NDUFAF2: variants seen among roughly 807,000 people sequenced by gnomAD.
NDUFAF2 encodes the protein NADH dehydrogenase [ubiquinone] 1 alpha subcomplex assembly factor 2.
A neutral mutation model predicts 22.8 loss-of-function variants in NDUFAF2; 13 were observed. The observed-to-expected ratio is 0.57, with a 90% CI of 0.37 to 0.91. The LOEUF (loss-of-function observed/expected upper bound fraction) is 0.91. Among genes scored for constraint, NDUFAF2 ranks in the 40% least tolerant of loss-of-function variants. NDUFAF2 has a pLI of 0.01. For synonymous variants in NDUFAF2, 53 were observed against 64.2 expected, an observed-to-expected ratio of 0.83 and a Z score of 0.84; for missense variants, 162 against 195.2, an observed-to-expected ratio of 0.83 and a Z score of 1.01.
intron 2 of NDUFAF2, among the ~76,000 whole-genome samples, chr5:61,098,022 T>C (rs1377556962): frequency 6.6e-6 from 1 of 152,220 alleles, no homozygotes. Flanking sequence ...TATACAACAT[T>C]GCAGGCTAAG....
rs138544891 is a variant in NDUFAF2 at position 61,053,560 on chromosome 5, C to T, written c.128-19565C>T. Among the ~76,000 whole-genome samples the T allele has an allele frequency of 7.9e-5, 12 of 152,272 alleles. No homozygotes were observed. In the East Asian group the frequency reaches 2.1e-3, roughly 27 times the overall value. ...AGCACCAGCAAAAGTTCTAGGAAGA[C>T]TCTTCATTGGCCCAGCAGGGGTCAT... On this transcript the variant is annotated intron_variant, in intron 1 of 3. Coordinates refer to ENST00000296597, the MANE Select transcript of NDUFAF2 (RefSeq NM_174889.5).
At chr5:61,062,445 G>A (rs888284888) in intron 1 of NDUFAF2, among the ~76,000 whole-genome samples, 1 of 152,030 alleles carries the variant, frequency 6.6e-6, no homozygotes, top group African/African-American at 2.4e-5. Context: ...TCAACAGCAG[G>A]CTAGATCAAT....
At chr5:61,132,525 C>G (rs1753125062) in intron 3 of NDUFAF2, among the ~76,000 whole-genome samples, 1 of 152,174 alleles carries the variant, frequency 6.6e-6, no homozygotes, top group Admixed American at 6.6e-5. Context: ...AGCCTGTCTC[C>G]TGGGCTACCA....
chr5:61,104,905 A>T (rs1464306711), intron 3 of NDUFAF2, among the ~76,000 whole-genome samples: 1 of 152,146 alleles, frequency 6.6e-6, no homozygotes, highest in East Asian at 1.9e-4. Context: ...ACCCCTAGCA[A>T]TGGAAACATT....
intron 1 of NDUFAF2, among the ~76,000 whole-genome samples, chr5:60,974,541 C>T (rs1750876497): frequency 6.6e-6 from 1 of 152,072 alleles, no homozygotes; most frequent in South Asian, 2.1e-4. Context: ...GACAAATTCA[C>T]AGGGTTTCAC....
chr5:60,946,020 C>T (rs1198229948), intron 1 of NDUFAF2, among the ~76,000 whole-genome samples: 1 of 152,110 alleles, frequency 6.6e-6, no homozygotes, highest in Admixed American at 6.6e-5. Flanking sequence ...TTCCAAGACC[C>T]CGTTGAGCTC....
intron 3 of NDUFAF2, among the ~76,000 whole-genome samples, chr5:61,109,901 T>C (rs1039224116): frequency 5.3e-5 from 8 of 152,308 alleles, no homozygotes; most frequent in Middle Eastern, 6.8e-3. Flanking sequence ...AGTATGTCTT[T>C]ATCGCAGTGT....
At chr5:61,105,432 G>T (rs1248740490) in intron 3 of NDUFAF2, among the ~76,000 whole-genome samples, 1 of 150,796 alleles carries the variant, frequency 6.6e-6, no homozygotes, top group African/African-American at 2.5e-5. Flanking sequence ...ATGTATTTAT[G>T]GTTAAATGGA....
chr5:61,061,067 C>T (rs1752159311), intron 1 of NDUFAF2, among the ~76,000 whole-genome samples: 1 of 152,088 alleles, frequency 6.6e-6, no homozygotes, highest in Non-Finnish European at 1.5e-5. Flanking sequence ...TCATACTCAC[C>T]TACAGGGTCA....
chr5:60,992,310 C>T (rs1346114872), intron 1 of NDUFAF2, among the ~76,000 whole-genome samples: 1 of 152,118 alleles, frequency 6.6e-6, no homozygotes, highest in Non-Finnish European at 1.5e-5. Flanking sequence ...TTGACGTGAT[C>T]CCATTTGTCC....
At chr5:61,098,904 G>T in intron 2 of NDUFAF2, 88 bp from the exon 3 acceptor site, 1 of 879,764 alleles carries the variant, frequency 1.1e-6, no homozygotes. Flanking sequence ...ATAATATGGA[G>T]TAGGTACTCA....
At chr5:61,134,710 GA>G (rs1740885447) in intron 3 of NDUFAF2, among the ~76,000 whole-genome samples, 1 of 151,730 alleles carries the variant, frequency 6.6e-6, no homozygotes, top group Non-Finnish European at 1.5e-5. Context: ...AAAATTAAAA[GA>G]AATTAATTCC....
chr5:60,987,241 C>T (rs1302008532), intron 1 of NDUFAF2, among the ~76,000 whole-genome samples: 1 of 151,964 alleles, frequency 6.6e-6, no homozygotes, highest in African/African-American at 2.4e-5. Flanking sequence ...AAATTGAATC[C>T]CTGAACAGAC....
At chr5:61,087,419 A>G (rs1752517152) in intron 2 of NDUFAF2, among the ~76,000 whole-genome samples, 1 of 152,168 alleles carries the variant, frequency 6.6e-6, no homozygotes, top group African/African-American at 2.4e-5. Context: ...TCATCAAGGG[A>G]TACTAATTAA....
intron 3 of NDUFAF2, 73 bp downstream of exon 3, chr5:61,099,105 T>A: frequency 1.9e-6 from 2 of 1,038,798 alleles, no homozygotes; most frequent in South Asian, 2.2e-5. Flanking sequence ...AGAAAAACTA[T>A]GATGTATTTT....
intron 1 of NDUFAF2, among the ~76,000 whole-genome samples, chr5:60,966,837 G>T (rs1177719482): frequency 6.6e-6 from 1 of 152,040 alleles, no homozygotes; most frequent in African/African-American, 2.4e-5. Flanking sequence ...GTCTTTGGTG[G>T]CTTCACTGAA....
At chr5:60,996,075 A>T (rs1751225095) in intron 1 of NDUFAF2, among the ~76,000 whole-genome samples, 1 of 152,078 alleles carries the variant, frequency 6.6e-6, no homozygotes, top group Admixed American at 6.5e-5. Flanking sequence ...AGGTCTAAAA[A>T]TGCCATCCAA....
chr5:61,005,161 C>A (rs1303659434), intron 1 of NDUFAF2, among the ~76,000 whole-genome samples: 3 of 152,058 alleles, frequency 2.0e-5, no homozygotes, highest in Non-Finnish European at 4.4e-5. Flanking sequence ...TTGTTCAGTT[C>A]CCACCTATGA....
At chr5:61,067,869 G>A (rs1752250706) in intron 1 of NDUFAF2, among the ~76,000 whole-genome samples, 1 of 152,156 alleles carries the variant, frequency 6.6e-6, no homozygotes, top group East Asian at 1.9e-4. Context: ...GTGTGAGATG[G>A]TATCTCACTG....
Sources: allele counts gnomAD v4.1 joint callset (sites outside exome capture counted in the v4.1 genomes callset), GRCh38; gene constraint gnomAD v4.1.1; transcripts MANE v1.5; gene names NCBI Gene and HGNC (gene_info 2026-07-23, HGNC 2026-07-21).